The following TBC1D19 variants were observed in gnomAD, a reference collection of about 807,000 sequenced individuals.
TBC1D19 encodes the protein TBC1 domain family member 19.
A neutral mutation model predicts 89.0 loss-of-function variants in TBC1D19; 60 were observed. The observed-to-expected ratio is 0.67, with a 90% CI of 0.55 to 0.84. The LOEUF (loss-of-function observed/expected upper bound fraction) is 0.84, where lower values mean the gene tolerates loss of function less well. Among genes scored for constraint, TBC1D19 ranks in the 40% least tolerant of loss-of-function variants. The pLI is 0.00. For synonymous variants in TBC1D19, 189 were observed against 199.7 expected (o/e 0.95, Z 0.45); for missense variants, 500 against 610.8 (o/e 0.82, Z 1.91).
At chr4:26,609,413 A>G (rs1047224026) in intron 1 of TBC1D19, among the ~76,000 whole-genome samples, 2 of 152,146 alleles carry the variant, frequency 1.3e-5, no homozygotes, top group South Asian at 2.1e-4. Context: ...ATAATGTTCT[A>G]TCCTTGCTGC....
the TBC1D19 span, among the ~76,000 whole-genome samples, chr4:26,850,106 C>A: frequency 6.6e-6 from 1 of 152,058 alleles, no homozygotes; most frequent in East Asian, 1.9e-4. Context: ...TGCCCCCTCC[C>A]AAATTCATAT....
intron 13 of TBC1D19, among the ~76,000 whole-genome samples, chr4:26,703,120 G>A (rs1577959361): frequency 6.6e-6 from 1 of 151,902 alleles, no homozygotes. Context: ...CTTTAATGTG[G>A]ATCTCTATCC....
At chr4:26,694,662 C>G (rs188923610) in intron 13 of TBC1D19, among the ~76,000 whole-genome samples, 26 of 152,328 alleles carry the variant, frequency 1.7e-4, no homozygotes, top group Non-Finnish European at 3.1e-4. Context: ...CAGACTGACA[C>G]TTCACATGGC....
At chr4:26,748,121 A>G (rs572296432) in intron 18 of TBC1D19, among the ~76,000 whole-genome samples, 6 of 152,322 alleles carry the variant, frequency 3.9e-5, no homozygotes, top group Non-Finnish European at 7.4e-5. Flanking sequence ...GCTAAGTAGT[A>G]TACACTCTGA....
chr4:26,854,491 T>C, the TBC1D19 span, among the ~76,000 whole-genome samples: 425 of 152,326 alleles, frequency 2.8e-3, no homozygotes, highest in African/African-American at 9.6e-3. Context: ...CTGGATTTAC[T>C]TGGTAATAGT....
chr4:26,765,308 G>A, the TBC1D19 span, among the ~76,000 whole-genome samples: 1 of 152,104 alleles, frequency 6.6e-6, no homozygotes, highest in Non-Finnish European at 1.5e-5. Flanking sequence ...AAAAAAGTTT[G>A]AAAGGGTTTC....
chr4:26,784,548 G>A, the TBC1D19 span, among the ~76,000 whole-genome samples: 1 of 152,136 alleles, frequency 6.6e-6, no homozygotes, highest in Non-Finnish European at 1.5e-5. Context: ...ATGCTGGGCT[G>A]GTGAAACACT....
chr4:26,629,070 C>T (rs911952788), intron 4 of TBC1D19, among the ~76,000 whole-genome samples: 4 of 151,994 alleles, frequency 2.6e-5, no homozygotes, highest in Non-Finnish European at 5.9e-5. Context: ...ACCTGCCATG[C>T]ACATACTTTC....
At chr4:26,796,619 AG>A in the TBC1D19 span, among the ~76,000 whole-genome samples, 1 of 152,154 alleles carries the variant, frequency 6.6e-6, no homozygotes, top group Non-Finnish European at 1.5e-5. Context: ...TGATCACCTG[AG>A]CCTAGGAGAC....
chr4:26,614,432 C>T lies in TBC1D19; in HGVS notation c.197C>T (p.Ala66Val). 1 of 1,593,054 alleles carries T rather than the reference C, an allele frequency of 6.3e-7. No individual in the cohort carries two copies. ...ISGWEKKLQN[A>V]VYSELSVFPL... Reference sequence around the variant, plus strand: ...GGTTGGGAGAAGAAACTTCAGAATGCTGTTTATAGTGAACTGAGTGTGTGA... The same window carrying T: ...GGTTGGGAGAAGAAACTTCAGAATGTTGTTTATAGTGAACTGAGTGTGTGA... Residue 66 changes from alanine to valine, a missense_variant, in exon 3 of 21, where the codon GCT (alanine) becomes GTT (valine). Ala to Val is a moderately conservative substitution (Grantham distance 64). Coordinates refer to ENST00000264866, the MANE Select transcript of TBC1D19 (RefSeq NM_018317.4).
At chr4:26,736,758 A>G (rs1392255494) in intron 16 of TBC1D19, among the ~76,000 whole-genome samples, 1 of 152,174 alleles carries the variant, frequency 6.6e-6, no homozygotes, top group Non-Finnish European at 1.5e-5. Flanking sequence ...TGATTTCTCC[A>G]GGCTACTTAT....
chr4:26,761,235 A>T, the TBC1D19 span, among the ~76,000 whole-genome samples: 1 of 152,358 alleles, frequency 6.6e-6, no homozygotes, highest in East Asian at 1.9e-4. Flanking sequence ...CAAAAGAAGT[A>T]AAAAGTCTGC....
intron 7 of TBC1D19, among the ~76,000 whole-genome samples, chr4:26,650,939 G>A (rs956351602): frequency 1.2e-4 from 18 of 152,148 alleles, no homozygotes; most frequent in African/African-American, 3.9e-4. Flanking sequence ...CATATGGTTA[G>A]CCAGTTTTCC....
intron 4 of TBC1D19, among the ~76,000 whole-genome samples, chr4:26,621,866 G>A (rs1055814404): frequency 6.6e-6 from 1 of 151,892 alleles, no homozygotes; most frequent in Non-Finnish European, 1.5e-5. Flanking sequence ...ACGATAGACT[G>A]GATTAAGAAA....
At chr4:26,671,732 TA>T (rs1438551476) in intron 9 of TBC1D19, among the ~76,000 whole-genome samples, 16 of 151,958 alleles carry the variant, frequency 1.1e-4, no homozygotes, top group Admixed American at 2.6e-4. Context: ...AAGCTGTCAA[TA>T]AGTTTTGTTT....
chr4:26,661,070 T>C lies in TBC1D19; in HGVS notation c.591+1363T>C, dbSNP rs543256405. 2.6e-5 allele frequency among the ~76,000 whole-genome samples: 4 copies of C among 152,176 alleles called. No homozygotes were observed. The East Asian group carries it at 7.8e-4, about 30-fold the overall frequency. ...TGAGCCATAGGGCTGAAAATGTAGA[T>C]TGTGTGAAAGTCTGGATCAGGAGAA... On this transcript the variant is annotated intron_variant, in intron 8 of 20. Transcript: ENST00000264866.
At chr4:26,636,487 A>AT (rs1273138837) in intron 4 of TBC1D19, among the ~76,000 whole-genome samples, 1 of 59,852 alleles carries the variant, frequency 1.7e-5, no homozygotes, top group African/African-American at 6.2e-5. Flanking sequence ...AGTCAGTATC[A>AT]TAAAAAAAAA....
chr4:26,576,737 A>T, exon 1 of TBC1D19: 1 of 456,326 alleles, frequency 2.2e-6, no homozygotes, highest in South Asian at 1.5e-5. Flanking sequence ...CCACAGAGCC[A>T]CTAGCAGATG....
intron 1 of TBC1D19, among the ~76,000 whole-genome samples, chr4:26,590,062 C>T (rs1739664175): frequency 6.6e-6 from 1 of 152,198 alleles, no homozygotes; most frequent in Non-Finnish European, 1.5e-5. Context: ...ACACACTAGC[C>T]TACATCTTGT....
Sources: gnomAD v4.1 joint callset for allele counts (sites outside exome capture counted in the v4.1 genomes callset) on GRCh38, gnomAD v4.1.1 for gene constraint, MANE v1.5 for transcripts, NCBI Gene and HGNC (gene_info 2026-07-23, HGNC 2026-07-21) for gene names.